PCDHA11: variants seen among roughly 807,000 people sequenced by gnomAD.
PCDHA11 encodes protocadherin alpha-11.
Under a neutral mutation model 70.3 loss-of-function variants are expected in PCDHA11, and 61 were observed. The ratio of observed to expected loss-of-function variants is 0.87; its 90% CI spans 0.71 to 1.07. The LOEUF (loss-of-function observed/expected upper bound fraction) is 1.07. Among genes scored for constraint, PCDHA11 ranks in the 50% least tolerant of loss-of-function variants. The pLI is 0.00. For missense variants in PCDHA11, 1,324 were observed against 1,237.5 expected, an observed-to-expected ratio of 1.07 and a Z score of -1.05; for synonymous variants, 633 against 555.1, an observed-to-expected ratio of 1.14 and a Z score of -1.97.
intron 1 of PCDHA11, among the ~76,000 whole-genome samples, chr5:140,920,816 C>A (rs1170521844): frequency 6.6e-6 from 1 of 150,790 alleles, no homozygotes; most frequent in East Asian, 1.9e-4. Flanking sequence ...TGCACTCCAG[C>A]CTGGCGACGG....
chr5:140,962,939 C>CA (rs2095722674), intron 1 of PCDHA11, among the ~76,000 whole-genome samples: 1 of 152,134 alleles, frequency 6.6e-6, no homozygotes, highest in African/African-American at 2.4e-5. Context: ...ACCTCCTCTC[C>CA]ATAAGATATG....
chr5:140,870,535 G>C lies in PCDHA11; in HGVS notation c.1432G>C (p.Ala478Pro), dbSNP rs1279597936. Residue 478 changes from alanine to proline, a missense_variant, in exon 1 of 4, where the codon GCG (alanine) becomes CCG (proline). Physicochemically the swap from Ala to Pro is conservative, Grantham distance 27. Coordinates refer to ENST00000398640, the MANE Select transcript of PCDHA11 (RefSeq NM_018902.5). ...PPGCHIFTVS[A>P]RDADAQENAL... ...AGGCTGCCACATCTTCACAGTGTCG[G>C]CGCGGGACGCGGACGCGCAGGAGAA... 2 of 1,614,056 alleles carry C rather than the reference G, an allele frequency of 1.2e-6. No individual in the cohort carries two copies. The highest frequency in any genetic ancestry group is 8.5e-7 in the Non-Finnish European group (1 of 1,180,052).
At chr5:140,958,925 G>T (rs980567381) in intron 1 of PCDHA11, among the ~76,000 whole-genome samples, 1 of 144,748 alleles carries the variant, frequency 6.9e-6, no homozygotes, top group African/African-American at 2.6e-5. Flanking sequence ...GGGTGTGGTG[G>T]CTCATACTTG....
rs1004548473 is a variant in PCDHA11 at position 141,011,507 on chromosome 5, G to T, written c.*1570G>T. Reference sequence around the variant, plus strand: ...CCTTTTGTACACCTGTGAAAAAGTGGAGTAGTGTTTTTTTAACCATTGTTA... The same window carrying T: ...CCTTTTGTACACCTGTGAAAAAGTGTAGTAGTGTTTTTTTAACCATTGTTA... On this transcript the variant is annotated 3_prime_UTR_variant, in exon 4 of 4. Transcript: ENST00000398640. 5.2e-5 allele frequency: 8 copies of T among 153,740 alleles called. No individual in the cohort carries two copies. The highest frequency in any genetic ancestry group is 1.9e-4 in the African/African-American group (8 of 41,440). The allele number at this position is 153,740 out of a possible 1,614,324, so 9.5% of individuals were successfully genotyped here. A position where few individuals can be genotyped will look rare whatever the true frequency, so the allele number is the denominator to read the frequency against.
At chr5:140,909,870 C>T (rs2074741279) in intron 1 of PCDHA11, among the ~76,000 whole-genome samples, 1 of 152,206 alleles carries the variant, frequency 6.6e-6, no homozygotes. Context: ...GAGTCAACGT[C>T]AGCTTAGAGA....
In PCDHA11 at chr5:140,929,533, A is replaced by G; in HGVS notation, c.2392-49416A>G. 8.5e-6 allele frequency: 5 copies of G among 588,644 alleles called. No individual in the cohort carries two copies. The East Asian group carries it at 1.3e-4, about 16-fold the overall frequency. The allele number at this position is 588,644 out of a possible 1,614,324, so 36.5% of individuals were successfully genotyped here. The stretch of plus-strand genomic sequence containing the variant: ...AAGGGACTTATAGTTTATTTTTGAG[A>G]AACAAGGGCAAAAATTAAAACCTAT... On this transcript the variant is annotated intron_variant, in intron 1 of 3. Coordinates refer to ENST00000398640, the MANE Select transcript of PCDHA11 (RefSeq NM_018902.5).
At chr5:140,914,564 A>AT (rs532022159) in intron 1 of PCDHA11, among the ~76,000 whole-genome samples, 1 of 152,026 alleles carries the variant, frequency 6.6e-6, no homozygotes, top group Non-Finnish European at 1.5e-5. Context: ...AGTTTAGTCC[A>AT]TTTACATTCA....
chr5:140,890,870 T>A (rs1217710440), intron 1 of PCDHA11, among the ~76,000 whole-genome samples: 1 of 152,226 alleles, frequency 6.6e-6, no homozygotes, highest in Non-Finnish European at 1.5e-5. Flanking sequence ...CTTGCCCCTC[T>A]GACCTTTCAT....
intron 1 of PCDHA11, among the ~76,000 whole-genome samples, chr5:140,973,377 G>T (rs1176312664): frequency 1.3e-5 from 2 of 152,208 alleles, no homozygotes; most frequent in Non-Finnish European, 2.9e-5. Context: ...ACAATGGTCA[G>T]AATAGACAAA....
At chr5:140,884,179 G>A in intron 1 of PCDHA11, 3 of 1,613,460 alleles carry the variant, frequency 1.9e-6, no homozygotes, top group Non-Finnish European at 1.7e-6. Context: ...CGCGCCCTCT[G>A]GACGAGGTGG....
At chr5:140,997,833 A>G (rs2097787444) in intron 3 of PCDHA11, among the ~76,000 whole-genome samples, 1 of 152,230 alleles carries the variant, frequency 6.6e-6, no homozygotes. Flanking sequence ...TCTAAACAAT[A>G]CAATATACAT....
At chr5:140,966,670 G>C in intron 1 of PCDHA11, 1 of 1,283,064 alleles carries the variant, frequency 7.8e-7, no homozygotes, top group Non-Finnish European at 1.0e-6. Flanking sequence ...AGCAGGCGCA[G>C]GGTGGCACGA....
At chr5:140,941,558 A>G (rs903071259) in intron 1 of PCDHA11, among the ~76,000 whole-genome samples, 1 of 151,596 alleles carries the variant, frequency 6.6e-6, no homozygotes, top group African/African-American at 2.4e-5. Context: ...CTCGTGATCC[A>G]TTCGCCTCAG....
Position 140,974,796 on chromosome 5 carries a change from G to T in PCDHA11, c.2392-4153G>T, listed in dbSNP as rs2096640726. On this transcript the variant is annotated intron_variant, in intron 1 of 3. Transcript: ENST00000398640. The stretch of plus-strand genomic sequence containing the variant: ...AGCCACTGCGCCCAGCCCTCATTTT[G>T]ATATACTAGAAGACCAATATGCAAC... Among the ~76,000 whole-genome samples the T allele has an allele frequency of 2.6e-5, 4 of 152,194 alleles. No individual in the cohort carries two copies. In the South Asian group the frequency reaches 8.3e-4, roughly 32 times the overall value.
Position 141,010,222 on chromosome 5 carries a change from C to T in PCDHA11, c.*285C>T. 6.4e-7 allele frequency: 1 copy of T among 1,551,730 alleles called. No homozygotes were observed. The highest frequency in any genetic ancestry group is 2.4e-5 in the East Asian group (1 of 40,912). ...CCTCCGCCGCAAAGGAGAGGCTTCC[C>T]AGCCCCGCCAGTGAGAGGTTGGACT... On this transcript the variant is annotated 3_prime_UTR_variant, in exon 4 of 4. Transcript: ENST00000398640.
chr5:140,972,589 T>C (rs1258846206), intron 1 of PCDHA11, among the ~76,000 whole-genome samples: 2 of 152,074 alleles, frequency 1.3e-5, no homozygotes, highest in Non-Finnish European at 2.9e-5. Flanking sequence ...AGAATTTCTC[T>C]TTGGAAATTT....
chr5:140,982,843 A>G (rs782122104), intron 3 of PCDHA11, among the ~76,000 whole-genome samples: 1 of 152,090 alleles, frequency 6.6e-6, no homozygotes, highest in Non-Finnish European at 1.5e-5. Flanking sequence ...GTTTGTTTAA[A>G]TCAGGTACCT....
At chr5:140,908,078 A>G (rs1047293736) in intron 1 of PCDHA11, among the ~76,000 whole-genome samples, 2 of 152,202 alleles carry the variant, frequency 1.3e-5, no homozygotes, top group Admixed American at 6.5e-5. Context: ...AAAGTGCACA[A>G]CCAGGTGCAC....
intron 1 of PCDHA11, among the ~76,000 whole-genome samples, chr5:140,964,119 TAAC>T (rs146855097): frequency 0.014 from 2,059 of 152,320 alleles, 49 homozygotes; most frequent in African/African-American, 0.047. Context: ...AATCACATTC[TAAC>T]AACTAGTAAG....
Sources: allele counts gnomAD v4.1 joint callset (sites outside exome capture counted in the v4.1 genomes callset), GRCh38; gene constraint gnomAD v4.1.1; transcripts MANE v1.5; gene names NCBI Gene and HGNC (gene_info 2026-07-23, HGNC 2026-07-21).